RHOH: variants seen among roughly 807,000 people sequenced by gnomAD.
The protein encoded by RHOH is ras homolog family member H.
A neutral mutation model predicts 13.8 loss-of-function variants in RHOH; 6 were observed. That is an observed-to-expected ratio of 0.44 (90% confidence interval 0.24 to 0.86). RHOH has a LOEUF of 0.86. Among genes scored for constraint, RHOH ranks in the 40% least tolerant of loss-of-function variants. The pLI is 0.24. For missense variants in RHOH, 147 were observed against 244.5 expected, an observed-to-expected ratio of 0.60 and a Z score of 2.66; for synonymous variants, 117 against 103.0, an observed-to-expected ratio of 1.14 and a Z score of -0.82.
intron 1 of RHOH, among the ~76,000 whole-genome samples, chr4:40,221,377 A>G (rs1430086483): frequency 1.3e-5 from 2 of 152,208 alleles, no homozygotes; most frequent in African/African-American, 4.8e-5. Flanking sequence ...ATTTTACACA[A>G]ACTGAAGGTT....
intron 1 of RHOH, among the ~76,000 whole-genome samples, chr4:40,231,108 C>T (rs1388944621): frequency 2.0e-5 from 3 of 152,182 alleles, no homozygotes; most frequent in Admixed American, 1.3e-4. Flanking sequence ...GACCCAGAGA[C>T]AAGCCAGTGG....
chr4:40,219,790 G>A (rs1027116650), intron 1 of RHOH, among the ~76,000 whole-genome samples: 8 of 152,186 alleles, frequency 5.3e-5, no homozygotes, highest in Non-Finnish European at 1.5e-5. Context: ...GCAGCAGCAG[G>A]ATTGAAGCTG....
intron 1 of RHOH, chr4:40,235,059 A>C (rs1165936937): frequency 6.6e-6 from 1 of 152,240 alleles, no homozygotes; most frequent in Non-Finnish European, 1.5e-5. Context: ...AATTATTAAG[A>C]TAGGATTCAG....
chr4:40,193,601 T>C (rs1388780326), upstream of RHOH: 2 of 152,142 alleles, frequency 1.3e-5, no homozygotes, highest in Non-Finnish European at 2.9e-5. Flanking sequence ...GAAAATTAGA[T>C]GGCAACCCCC....
Position 40,243,817 on chromosome 4 carries a change from G to C in RHOH, c.431G>C (p.Arg144Thr), listed in dbSNP as rs1192340030. 6.2e-7 allele frequency: 1 copy of C among 1,614,182 alleles called. No individual in the cohort carries two copies. The highest frequency in any genetic ancestry group is 1.7e-5 in the Admixed American group (1 of 60,034). ...MEGKKLAQDV[R>T]AKGYLECSAL... ...GGGAAGAAACTGGCCCAGGATGTCA[G>C]AGCCAAGGGCTACCTGGAGTGCTCA... is the stretch of plus-strand genomic sequence containing the variant. The change falls in exon 3 of 3, where the codon AGA (arginine) becomes ACA (threonine). Residue 144 changes from arginine (R) to threonine (T), a missense_variant. Around this residue, in one of 3 missense-constraint regions of RHOH, gnomAD observed 31 missense variants for 61.8 expected, o/e 0.50. Transcript: ENST00000381799. This position sits in a 1 kb window ranked among gnomAD's most constrained non-coding sequence, Gnocchi z 6.2.
chr4:40,215,464 A>T lies in RHOH; in HGVS notation c.-331+18164A>T, dbSNP rs116774395. Among the ~76,000 whole-genome samples, 238 of 152,058 alleles carry T rather than the reference A, an allele frequency of 1.6e-3. 1 individual carries two copies. Among genetic ancestry groups the T allele is most frequent in the African/African-American group, 5.5e-3 (230 of 41,488 alleles). ...CTGGGTGGACTCCAATCTTTCAAGC[A>T]CTGTGTGTCTTTTCCTGGTCCTCCC... On this transcript the variant is annotated intron_variant, in intron 1 of 2. Transcript: ENST00000381799.
At chr4:40,230,887 C>T (rs191903000) in intron 1 of RHOH, among the ~76,000 whole-genome samples, 34 of 151,224 alleles carry the variant, frequency 2.2e-4, no homozygotes, top group African/African-American at 7.8e-4. Flanking sequence ...GAAAAATTTT[C>T]AGAGTCACTG....
chr4:40,233,944 T>TAAAAC (rs1488631989), intron 1 of RHOH, among the ~76,000 whole-genome samples: 2 of 151,034 alleles, frequency 1.3e-5, no homozygotes, highest in Non-Finnish European at 2.9e-5. Flanking sequence ...TAAAATAAAA[T>TAAAAC]AAAATAAAAT....
chr4:40,240,613 C>T (rs1247475583), intron 1 of RHOH, among the ~76,000 whole-genome samples: 2 of 151,156 alleles, frequency 1.3e-5, no homozygotes, highest in African/African-American at 4.9e-5. Flanking sequence ...CCTGTCTGTA[C>T]TAAAAATACA....
At chr4:40,235,525 G>A (rs1451931989) in intron 1 of RHOH, among the ~76,000 whole-genome samples, 13 of 137,796 alleles carry the variant, frequency 9.4e-5, no homozygotes, top group African/African-American at 3.4e-4. Flanking sequence ...AGGAGGTGGA[G>A]ATTGCAGTGA....
intron 1 of RHOH, chr4:40,240,419 A>G: frequency 6.6e-6 from 1 of 151,522 alleles, no homozygotes; most frequent in Non-Finnish European, 1.5e-5. Flanking sequence ...GCTGCAGTGA[A>G]CCACCATTGT....
rs577706046 is a variant in RHOH at position 40,218,488 on chromosome 4, G to A, written c.-331+21188G>A. ...GTGCTTAGCTCGGCTAATGAGCCCA[G>A]GCTGAGGGCTTTTTTGCAGGCATGC... On this transcript the variant is annotated intron_variant, in intron 1 of 2. Coordinates refer to ENST00000381799, the MANE Select transcript of RHOH (RefSeq NM_004310.5). This position sits in a 1 kb window ranked among gnomAD's most constrained non-coding sequence, Gnocchi z 4.1. Among the ~76,000 whole-genome samples the A allele has an allele frequency of 1.3e-5, 2 of 152,286 alleles. No homozygotes were observed. The highest frequency in any genetic ancestry group is 6.5e-5 in the Admixed American group (1 of 15,278).
At chr4:40,201,675 G>A (rs1724009519) in intron 1 of RHOH, among the ~76,000 whole-genome samples, 1 of 151,906 alleles carries the variant, frequency 6.6e-6, no homozygotes, top group Non-Finnish European at 1.5e-5. Context: ...TCGGGGCGGG[G>A]GGCAAGCATG....
At chr4:40,212,231 T>G (rs1406681577) in intron 1 of RHOH, among the ~76,000 whole-genome samples, 1 of 152,240 alleles carries the variant, frequency 6.6e-6, no homozygotes, top group Admixed American at 6.5e-5. Context: ...CTAGGCAATC[T>G]TCATCCATAC....
chr4:40,210,613 AATT>A (rs1307766025), intron 1 of RHOH, among the ~76,000 whole-genome samples: 2 of 151,928 alleles, frequency 1.3e-5, no homozygotes, highest in East Asian at 3.9e-4. Flanking sequence ...TATTATTAAC[AATT>A]CCCTTAGAGC....
chr4:40,203,861 T>C (rs941023365), intron 1 of RHOH, among the ~76,000 whole-genome samples: 1 of 152,172 alleles, frequency 6.6e-6, no homozygotes, highest in Non-Finnish European at 1.5e-5. Flanking sequence ...CTGGGACCCA[T>C]AAACATTCTA....
chr4:40,201,727 A>G (rs1724017770), intron 1 of RHOH, among the ~76,000 whole-genome samples: 1 of 152,136 alleles, frequency 6.6e-6, no homozygotes. Context: ...AACTGTGTAA[A>G]ATACAAATAT....
At chr4:40,214,067 A>G (rs7671812) in intron 1 of RHOH, among the ~76,000 whole-genome samples, 110,415 of 152,094 alleles carry the variant, frequency 0.73, 40,535 homozygotes, top group Middle Eastern at 0.78. Context: ...TAGTTCCTTT[A>G]TTTTAAAAGC....
chr4:40,232,573 A>G (rs879229047), intron 1 of RHOH, among the ~76,000 whole-genome samples: 2 of 152,134 alleles, frequency 1.3e-5, no homozygotes, highest in Admixed American at 1.3e-4. Context: ...TTTATGTGCC[A>G]AAGACCCAGG....
Sources: gnomAD v4.1 joint callset for allele counts (sites outside exome capture counted in the v4.1 genomes callset) on GRCh38, gnomAD v4.1.1 for gene constraint, gnomAD v4.1.1 regional missense constraint, Gnocchi (gnomAD v3.1) non-coding constraint, MANE v1.5 for transcripts, NCBI Gene and HGNC (gene_info 2026-07-23, HGNC 2026-07-21) for gene names.